Variants in ADAMTSL1 observed in about 807,000 individuals in gnomAD.
ADAMTSL1 encodes ADAMTS like 1, also known as ADAMTS-like protein 1.
Under a neutral mutation model 201.8 loss-of-function variants are expected in ADAMTSL1, and 126 were observed. The ratio of observed to expected loss-of-function variants is 0.62; its 90% CI spans 0.54 to 0.72. The LOEUF (loss-of-function observed/expected upper bound fraction) is 0.72, where lower values mean the gene tolerates loss of function less well. Among genes scored for constraint, ADAMTSL1 ranks in the 30% least tolerant of loss-of-function variants. The pLI, the probability that ADAMTSL1 is intolerant of heterozygous loss-of-function variation, is 0.00. For synonymous variants in ADAMTSL1, 1,121 were observed against 903.4 expected (o/e 1.24, Z -4.32); for missense variants, 2,679 against 2,277.8 (o/e 1.18, Z -3.59).
intron 1 of ADAMTSL1, among the ~76,000 whole-genome samples, chr9:18,483,104 A>G (rs1030683472): frequency 6.6e-6 from 1 of 152,242 alleles, no homozygotes; most frequent in African/African-American, 2.4e-5. Flanking sequence ...GTTGACTGGT[A>G]TCTCTTTGAA....
chr9:18,170,373 A>G (rs907467854), intron 2 of ADAMTSL1, among the ~76,000 whole-genome samples: 1 of 152,074 alleles, frequency 6.6e-6, no homozygotes, highest in African/African-American at 2.4e-5. Flanking sequence ...GAGGTAGGAA[A>G]TAAATATCTA....
At chr9:18,748,274 C>G (rs1038219883) in intron 15 of ADAMTSL1, among the ~76,000 whole-genome samples, 23 of 152,210 alleles carry the variant, frequency 1.5e-4, no homozygotes, top group African/African-American at 5.3e-4. Context: ...GAAACCATAG[C>G]AGTCATGTTT....
At chr9:18,261,083 C>G (rs1445122868) in intron 2 of ADAMTSL1, among the ~76,000 whole-genome samples, 30 of 66,810 alleles carry the variant, frequency 4.5e-4, no homozygotes, top group Non-Finnish European at 5.6e-4. Flanking sequence ...AAGTGTGGGG[C>G]GGGGGGTGGG....
chr9:18,717,553 A>G (rs1371264488), intron 14 of ADAMTSL1, among the ~76,000 whole-genome samples: 2 of 152,206 alleles, frequency 1.3e-5, no homozygotes, highest in Non-Finnish European at 2.9e-5. Context: ...AGAGTAGTCT[A>G]CATAGGAGCT....
chr9:18,546,502 T>G (rs1820475885), intron 3 of ADAMTSL1, among the ~76,000 whole-genome samples: 1 of 152,106 alleles, frequency 6.6e-6, no homozygotes, highest in Non-Finnish European at 1.5e-5. Flanking sequence ...AACACCCGTA[T>G]CCAACAACAT....
At position 18,501,858 on chromosome 9, in the gene ADAMTSL1, G is replaced by A. The variant is rs143020620; in HGVS notation, c.64-2971G>A. On this transcript the variant is annotated intron_variant, in intron 1 of 28. Transcript: ENST00000380548. ...GCATGAGATCTCATTCAGAGACATC[G>A]TGGGCACTTAATATGTGTAGTTGTG... Among the ~76,000 whole-genome samples, 94 of 152,298 alleles carry A rather than the reference G, an allele frequency of 6.2e-4. 1 individual carries two copies. In the East Asian group the frequency reaches 0.017, roughly 27 times the overall value.
intron 3 of ADAMTSL1, among the ~76,000 whole-genome samples, chr9:18,567,989 C>A (rs1031603101): frequency 6.6e-6 from 1 of 152,112 alleles, no homozygotes; most frequent in Non-Finnish European, 1.5e-5. Flanking sequence ...TCTACTATAA[C>A]AACATGCTGT....
chr9:18,874,102 T>C (rs1451462771), intron 23 of ADAMTSL1, among the ~76,000 whole-genome samples: 1 of 152,134 alleles, frequency 6.6e-6, no homozygotes, highest in African/African-American at 2.4e-5. Flanking sequence ...TTGGTTGCTG[T>C]AGTTGTATAG....
At chr9:18,325,360 T>A (rs922095053) in intron 2 of ADAMTSL1, among the ~76,000 whole-genome samples, 3 of 152,214 alleles carry the variant, frequency 2.0e-5, no homozygotes, top group African/African-American at 7.2e-5. Context: ...AACAATAGAA[T>A]GGGTAACACA....
intron 2 of ADAMTSL1, among the ~76,000 whole-genome samples, chr9:18,412,260 G>T (rs941036501): frequency 6.6e-6 from 1 of 152,134 alleles, no homozygotes; most frequent in African/African-American, 2.4e-5. Flanking sequence ...GCATCATATT[G>T]TGATAGGTAC....
chr9:18,673,717 C>T (rs1202450650), intron 9 of ADAMTSL1, among the ~76,000 whole-genome samples: 1 of 152,056 alleles, frequency 6.6e-6, no homozygotes, highest in Admixed American at 6.6e-5. Flanking sequence ...AAATTACAGC[C>T]ATAAATTTTT....
chr9:18,018,252 A>G lies in ADAMTSL1; in HGVS notation c.87+111330A>G, dbSNP rs150228936. On this transcript the variant is annotated intron_variant, in intron 1 of 29. Transcript: ENST00000680146. ...ATTAATAAGAGCCCACTTATATGGT[A>G]CTTACCGTATAATGTTTTAAGCATT... Among the ~76,000 whole-genome samples, 426 of 152,202 alleles carry G rather than the reference A, an allele frequency of 2.8e-3. 2 individuals are homozygous for G. The highest frequency in any genetic ancestry group is 9.9e-3 in the African/African-American group (410 of 41,556).
chr9:18,096,869 TA>T (rs1339623947), intron 1 of ADAMTSL1, among the ~76,000 whole-genome samples: 1 of 152,220 alleles, frequency 6.6e-6, no homozygotes, highest in African/African-American at 2.4e-5. Context: ...AGAACTCATA[TA>T]AATAATATGG....
chr9:17,976,283 A>G (rs1818444093), intron 1 of ADAMTSL1, among the ~76,000 whole-genome samples: 1 of 151,992 alleles, frequency 6.6e-6, no homozygotes, highest in South Asian at 2.1e-4. Flanking sequence ...ATTTTGATAG[A>G]GATTGTATTA....
intron 1 of ADAMTSL1, among the ~76,000 whole-genome samples, chr9:18,121,694 TATC>T (rs1176959649): frequency 2.6e-5 from 4 of 152,322 alleles, no homozygotes; most frequent in African/African-American, 9.6e-5. Context: ...TATAAACACA[TATC>T]ATACAAGAGG....
At chr9:18,292,344 G>C (rs1412559387) in intron 2 of ADAMTSL1, among the ~76,000 whole-genome samples, 1 of 152,124 alleles carries the variant, frequency 6.6e-6, no homozygotes, top group Non-Finnish European at 1.5e-5. Flanking sequence ...TACGATAGCA[G>C]TATGATGAAA....
chr9:18,216,620 G>A (rs1202725676), intron 2 of ADAMTSL1, among the ~76,000 whole-genome samples: 3 of 150,434 alleles, frequency 2.0e-5, no homozygotes, highest in South Asian at 2.1e-4. Flanking sequence ...ATTTGGGCAC[G>A]CAGCAGTGAC....
intron 1 of ADAMTSL1, among the ~76,000 whole-genome samples, chr9:18,490,458 G>T (rs962314294): frequency 3.9e-5 from 6 of 152,102 alleles, no homozygotes; most frequent in Non-Finnish European, 5.9e-5. Context: ...AAATATTGGG[G>T]CCCCAAATAG....
At chr9:17,999,655 C>T (rs926592666) in intron 1 of ADAMTSL1, among the ~76,000 whole-genome samples, 1 of 150,496 alleles carries the variant, frequency 6.6e-6, no homozygotes, top group East Asian at 2.0e-4. Flanking sequence ...GCCCATTGTG[C>T]AGGTTAGTTA....
Sources: allele counts gnomAD v4.1 joint callset (sites outside exome capture counted in the v4.1 genomes callset), GRCh38; gene constraint gnomAD v4.1.1; transcripts MANE v1.5; gene names NCBI Gene and HGNC (gene_info 2026-07-23, HGNC 2026-07-21).